The following WWOX variants were observed in gnomAD, a reference collection of about 807,000 sequenced individuals.
The protein encoded by WWOX is WW domain-containing oxidoreductase.
WWOX carries 69 observed loss-of-function variants against 46.2 expected under a neutral mutation model. The observed-to-expected ratio is 1.49, with a 90% confidence interval of 1.23 to 1.82. The LOEUF (loss-of-function observed/expected upper bound fraction) is 1.82, where lower values mean the gene tolerates loss of function less well. WWOX is among the 40% of genes most tolerant of loss of function. The pLI, the probability that WWOX is intolerant of heterozygous loss-of-function variation, is 0.00. For synonymous variants in WWOX, 359 were observed against 202.6 expected, an observed-to-expected ratio of 1.77 and a Z score of -6.56; for missense variants, 919 against 542.6, an observed-to-expected ratio of 1.69 and a Z score of -6.89.
At chr16:78,536,360 AAAG>A (rs2043759163) in intron 8 of WWOX, among the ~76,000 whole-genome samples, 1 of 151,770 alleles carries the variant, frequency 6.6e-6, no homozygotes, top group Non-Finnish European at 1.5e-5. Flanking sequence ...GTTCCATGAG[AAAG>A]AAGCTGCGAG....
chr16:78,375,332 C>T (rs1335653658), intron 5 of WWOX, among the ~76,000 whole-genome samples: 1 of 152,220 alleles, frequency 6.6e-6, no homozygotes, highest in Non-Finnish European at 1.5e-5. Flanking sequence ...GGAGAAATGC[C>T]TGAGTTTCCA....
intron 5 of WWOX, among the ~76,000 whole-genome samples, chr16:78,190,780 T>C (rs181840369): frequency 5.8e-4 from 89 of 152,316 alleles, no homozygotes; most frequent in South Asian, 2.1e-3. Context: ...GAGATGACGC[T>C]GCATACTTCA....
intron 5 of WWOX, among the ~76,000 whole-genome samples, chr16:78,275,170 G>C (rs57552529): frequency 0.024 from 3,584 of 152,294 alleles, 137 homozygotes; most frequent in African/African-American, 0.079. Flanking sequence ...ACGTGGAGGG[G>C]GGTGGTGAAT....
chr16:78,993,929 C>A (rs1268018197), intron 8 of WWOX, among the ~76,000 whole-genome samples: 14 of 152,160 alleles, frequency 9.2e-5, no homozygotes, highest in Admixed American at 8.5e-4. Flanking sequence ...GTGACCGCTT[C>A]CCCCGTGGGA....
intron 8 of WWOX, among the ~76,000 whole-genome samples, chr16:78,904,680 G>T (rs944159601): frequency 2.6e-5 from 4 of 152,114 alleles, no homozygotes; most frequent in Non-Finnish European, 5.9e-5. Context: ...GAGAGAGGTT[G>T]GGGAGCAGGT....
chr16:78,847,591 C>A (rs970444004), intron 8 of WWOX, among the ~76,000 whole-genome samples: 2 of 152,022 alleles, frequency 1.3e-5, no homozygotes, highest in African/African-American at 2.4e-5. Flanking sequence ...GCCTCAGCTT[C>A]CCTAAGTGTT....
chr16:79,110,290 G>A (rs373725066), intron 8 of WWOX, among the ~76,000 whole-genome samples: 12 of 152,034 alleles, frequency 7.9e-5, no homozygotes, highest in African/African-American at 2.2e-4. Context: ...CTACTTCCCC[G>A]CCACCTCTTC....
chr16:78,744,352 G>A (rs73571692), intron 8 of WWOX, among the ~76,000 whole-genome samples: 15,723 of 150,492 alleles, frequency 0.1, 2,351 homozygotes, highest in African/African-American at 0.33. Context: ...TTTTTATAGT[G>A]ACTGCATGAT....
chr16:78,284,793 C>G (rs1400717047), intron 5 of WWOX, among the ~76,000 whole-genome samples: 1 of 152,216 alleles, frequency 6.6e-6, no homozygotes, highest in Non-Finnish European at 1.5e-5. Context: ...TAAGAGTTGA[C>G]TTACAAAGCT....
At chr16:78,474,813 C>T (rs2084317201) in intron 8 of WWOX, among the ~76,000 whole-genome samples, 1 of 152,158 alleles carries the variant, frequency 6.6e-6, no homozygotes, top group South Asian at 2.1e-4. Flanking sequence ...GGACATTTCT[C>T]ATTAATGGGC....
intron 8 of WWOX, among the ~76,000 whole-genome samples, chr16:78,912,711 T>C (rs75268221): frequency 0.029 from 4,350 of 152,118 alleles, 234 homozygotes; most frequent in East Asian, 0.19. Flanking sequence ...CATAAAACTT[T>C]ATGGTCTTTA....
chr16:79,118,017 A>G (rs951876894), intron 8 of WWOX, among the ~76,000 whole-genome samples: 9 of 152,238 alleles, frequency 5.9e-5, no homozygotes, highest in Non-Finnish European at 1.2e-4. Context: ...ATTTCCTTCA[A>G]GAACTTTTTC....
intron 8 of WWOX, among the ~76,000 whole-genome samples, chr16:78,679,874 A>G (rs2047689043): frequency 6.6e-6 from 1 of 152,202 alleles, no homozygotes; most frequent in Admixed American, 6.5e-5. Flanking sequence ...GCATTTGCTT[A>G]GGTGGGCTCT....
chr16:79,055,655 GT>G (rs1567518755), intron 8 of WWOX, among the ~76,000 whole-genome samples: 1 of 152,206 alleles, frequency 6.6e-6, no homozygotes, highest in African/African-American at 2.4e-5. Flanking sequence ...TATGTTTGGG[GT>G]TGTTTCCTAC....
At chr16:78,682,467 C>G (rs1440361555) in intron 8 of WWOX, among the ~76,000 whole-genome samples, 1 of 152,068 alleles carries the variant, frequency 6.6e-6, no homozygotes, top group East Asian at 1.9e-4. Flanking sequence ...CCTGTAATCC[C>G]AGCTACACAG....
intron 5 of WWOX, among the ~76,000 whole-genome samples, chr16:78,229,426 A>C (rs1036576837): frequency 6.7e-6 from 1 of 150,052 alleles, no homozygotes; most frequent in Admixed American, 6.7e-5. Flanking sequence ...TGATTAACTT[A>C]TATCTGGTCC....
intron 8 of WWOX, among the ~76,000 whole-genome samples, chr16:79,023,051 AC>A (rs201442468): frequency 0.031 from 4,605 of 150,600 alleles, 200 homozygotes; most frequent in African/African-American, 0.095. Flanking sequence ...TATTGAAAAA[AC>A]AAAAATAATA....
chr16:78,921,524 CTT>C (rs1391133743), intron 8 of WWOX, among the ~76,000 whole-genome samples: 2 of 152,192 alleles, frequency 1.3e-5, no homozygotes, highest in African/African-American at 2.4e-5. Context: ...CAGTCATTCT[CTT>C]AATCAAGTCT....
chr16:78,872,430 G>T (rs2044148113), intron 8 of WWOX, among the ~76,000 whole-genome samples: 1 of 152,114 alleles, frequency 6.6e-6, no homozygotes, highest in Non-Finnish European at 1.5e-5. Flanking sequence ...GGAGTTAAAG[G>T]AAAGAAATGC....
Sources: allele counts gnomAD v4.1 joint callset (sites outside exome capture counted in the v4.1 genomes callset), GRCh38; gene constraint gnomAD v4.1.1; transcripts MANE v1.5; gene names NCBI Gene and HGNC (gene_info 2026-07-23, HGNC 2026-07-21).